MAP4K2: variants seen among roughly 807,000 people sequenced by gnomAD.
MAP4K2 encodes B lymphocyte serine/threonine protein kinase.
In MAP4K2, 85 loss-of-function variants were observed where a neutral mutation model predicts 125.3. The observed-to-expected ratio is 0.68, with a 90% CI of 0.57 to 0.81. The LOEUF (loss-of-function observed/expected upper bound fraction) is 0.81. Among genes scored for constraint, MAP4K2 ranks in the 40% least tolerant of loss-of-function variants. MAP4K2 has a pLI of 0.00. For missense variants in MAP4K2, 923 were observed against 1,056.4 expected (o/e 0.87, Z 1.75); for synonymous variants, 479 against 445.1 (o/e 1.08, Z -0.96).
chr11:64,802,883 A>G lies in MAP4K2; in HGVS notation c.154+2T>C. ...GCGCAGAGGCCCGACCCGGGCCCTC[A>G]CCTGGGTCTAGCTTGACTATCTTCA... On this transcript the variant is annotated splice_donor_variant, in intron 2 of 31. Coordinates refer to ENST00000294066, the MANE Select transcript of MAP4K2 (RefSeq NM_004579.5). LOFTEE classifies it high-confidence loss of function. 1 of 1,600,238 alleles carries G rather than the reference A, an allele frequency of 6.2e-7. No homozygotes were observed. The highest frequency in any genetic ancestry group is 8.5e-7 in the Non-Finnish European group (1 of 1,174,468).
Position 64,801,597 on chromosome 11 carries a change from G to C in MAP4K2, c.439C>G (p.Gln147Glu), listed in dbSNP as rs1555160528. 2 of 1,614,010 alleles carry C rather than the reference G, an allele frequency of 1.2e-6. No individual in the cohort carries two copies. Among genetic ancestry groups the C allele is most frequent in the Non-Finnish European group, 1.7e-6 (2 of 1,179,960 alleles). The change falls in exon 7 of 32, where the codon CAG becomes GAG. Residue 147 changes from glutamine (Q) to glutamate (E), a missense_variant. This residue lies in a region of MAP4K2 where 833 missense variants were observed against 911.4 expected (regional missense o/e 0.91). Coordinates refer to ENST00000294066, the MANE Select transcript of MAP4K2 (RefSeq NM_004579.5). Reference sequence around the variant, plus strand: ...TACTGACCCAGTTTGACATCTCCCTGGAGAGTGAGGAGAAGGTTGGCTCCC... The same window carrying C: ...TACTGACCCAGTTTGACATCTCCCTCGAGAGTGAGGAGAAGGTTGGCTCCC... ...IKGANLLLTL[Q>E]GDVKLADFGV...
intron 2 of MAP4K2, 110 bp from the exon 3 acceptor site, chr11:64,802,763 G>C (rs1350380198): frequency 6.9e-7 from 1 of 1,451,144 alleles, no homozygotes; most frequent in African/African-American, 1.4e-5. Flanking sequence ...GCAGGTGCAG[G>C]TGACAGCACC....
chr11:64,789,787 T>A lies in MAP4K2; in HGVS notation c.2320-2A>T. 6.2e-7 allele frequency: 1 copy of A among 1,614,088 alleles called. No individual in the cohort carries two copies. Among genetic ancestry groups the A allele is most frequent in the East Asian group, 2.2e-5 (1 of 44,884 alleles). ...TTCATCTGTGATCTCCTGGGTCACCTGGGAAGACAGGTGGGAAGCACTGAG... is the reference window on the plus strand; with the variant it reads ...TTCATCTGTGATCTCCTGGGTCACCAGGGAAGACAGGTGGGAAGCACTGAG... On this transcript the variant is annotated splice_acceptor_variant, in intron 30 of 31. Coordinates refer to ENST00000294066, the MANE Select transcript of MAP4K2 (RefSeq NM_004579.5). LOFTEE classifies it high-confidence loss of function.
chr11:64,796,559 G>A lies in MAP4K2; in HGVS notation c.1573-6C>T. ...GAGCAGCGATGTGAAATCAGCTGGA[G>A]GCCACAGAGGGACAGATGGTCAGCA... is the stretch of plus-strand genomic sequence containing the variant. On this transcript the variant is annotated splice_region_variant and splice_polypyrimidine_tract_variant and intron_variant, in intron 22 of 31. Transcript: ENST00000294066. 1.2e-6 allele frequency: 2 copies of A among 1,613,982 alleles called. No homozygotes were observed.
At chr11:64,799,561 G>GC (rs752489212) in intron 13 of MAP4K2, 44 bp downstream of exon 13, 4 of 1,602,580 alleles carry the variant, frequency 2.5e-6, no homozygotes, top group Admixed American at 3.4e-5. Context: ...GTGCACACAG[G>GC]CCCCCCAAAA....
chr11:64,799,980 G>T, intron 12 of MAP4K2, 129 bp downstream of exon 12: 1 of 783,498 alleles, frequency 1.3e-6, no homozygotes, highest in Non-Finnish European at 2.1e-6. Flanking sequence ...GACTCCTAAT[G>T]GGAGGGCTCA....
chr11:64,801,630 A>G lies in MAP4K2; in HGVS notation c.415-9T>C, dbSNP rs778757671. The G allele has an allele frequency of 6.2e-7, 1 of 1,613,950 alleles. No individual in the cohort carries two copies. The highest frequency in any genetic ancestry group is 1.7e-5 in the Admixed American group (1 of 60,006). ...AGGAGAAGGTTGGCTCCCTGTGGGA[A>G]TGGAGGAGAGACAATCCCATCTGGT... On this transcript the variant is annotated splice_polypyrimidine_tract_variant and intron_variant, in intron 6 of 31. Transcript: ENST00000294066.
In MAP4K2 at chr11:64,801,863, C is replaced by G. The variant is rs1053652127; in HGVS notation, c.367-106G>C. On this transcript the variant is annotated intron_variant, in intron 5 of 31. Coordinates refer to ENST00000294066, the MANE Select transcript of MAP4K2 (RefSeq NM_004579.5). ...CCCACTCAGGCTGCTTCTTCCTCCC[C>G]TCTCCCCAAACAGGAAGTGACTGAG... The G allele has an allele frequency of 7.8e-6, 10 of 1,276,286 alleles. No homozygotes were observed. The African/African-American group carries it at 1.2e-4, about 15-fold the overall frequency. The allele number at this position is 1,276,286 out of a possible 1,614,324, so 79.1% of individuals were successfully genotyped here. A position where few individuals can be genotyped will look rare whatever the true frequency, so the allele number is the denominator to read the frequency against.
At chr11:64,792,530 G>A in intron 24 of MAP4K2, 108 bp from the exon 25 acceptor site, 1 of 890,200 alleles carries the variant, frequency 1.1e-6, no homozygotes, top group Non-Finnish European at 1.8e-6. Context: ...ACAAGTAAGG[G>A]ACTGAGACTC....
chr11:64,799,282 G>C, intron 14 of MAP4K2, 139 bp downstream of exon 14: 1 of 1,007,850 alleles, frequency 9.9e-7, no homozygotes, highest in Non-Finnish European at 1.5e-6. Context: ...GGGTAGGACA[G>C]GCTTGCTTGG....
At chr11:64,790,302 G>T in intron 28 of MAP4K2, 28 bp from the exon 29 acceptor site, 1 of 1,613,588 alleles carries the variant, frequency 6.2e-7, no homozygotes, top group Non-Finnish European at 8.5e-7. Context: ...TGGTGAGTGG[G>T]GACGGGGAGG....
rs748059275 is a variant in MAP4K2 at position 64,800,211 on chromosome 11, C to T, written c.813G>A (p.Pro271=). The T allele has an allele frequency of 1.4e-5, 22 of 1,612,840 alleles. No individual in the cohort carries two copies. Among genetic ancestry groups the T allele is most frequent in the African/African-American group, 8.0e-5 (6 of 74,896 alleles). The change falls in exon 12 of 32, where the codon CCG becomes CCA. Residue 271 remains proline (P), a synonymous_variant. Transcript: ENST00000294066. Reference sequence around the variant, plus strand: ...CCCGAGGGAGCTGCTGAGTCGTGAACGGGTGCTGGAAAGTGGGGGAGGGGG... The same window carrying T: ...CCCGAGGGAGCTGCTGAGTCGTGAATGGGTGCTGGAAAGTGGGGGAGGGGG... The part of the protein sequence containing the change: ...RPTAEKLLQH[P]FTTQQLPRAL...
chr11:64,793,316 G>A (rs675949), intron 24 of MAP4K2, among the ~76,000 whole-genome samples: 1 of 152,134 alleles, frequency 6.6e-6, no homozygotes, highest in Non-Finnish European at 1.5e-5. Context: ...GACTGCACAC[G>A]GCCCATTTCA....
In MAP4K2 at chr11:64,792,032, C is replaced by G. The variant is rs772340378; in HGVS notation, c.1969G>C (p.Asp657His). The G allele has an allele frequency of 1.8e-5, 28 of 1,596,968 alleles. No homozygotes were observed. The highest frequency in any genetic ancestry group is 1.7e-4 in the Middle Eastern group (1 of 6,060). ...PAGMLEPLVL[D>H]GKELPQVCVG... Reference sequence around the variant, plus strand: ...CACACCTGCGGCAGCTCCTTCCCATCCAGCACCAGCGGCTCCAGCATCCCA... The same window carrying G: ...CACACCTGCGGCAGCTCCTTCCCATGCAGCACCAGCGGCTCCAGCATCCCA... Residue 657 changes from aspartate (D) to histidine (H), a missense_variant, in exon 27 of 32, where the codon GAT (aspartate) becomes CAT (histidine). Coordinates refer to ENST00000294066, the MANE Select transcript of MAP4K2 (RefSeq NM_004579.5).
chr11:64,796,254 C>A lies in MAP4K2; in HGVS notation c.1751+19G>T. 1 of 1,516,444 alleles carries A rather than the reference C, an allele frequency of 6.6e-7. No homozygotes were observed. Among genetic ancestry groups the A allele is most frequent in the Non-Finnish European group, 8.8e-7 (1 of 1,133,004 alleles). The allele number at this position is 1,516,444 out of a possible 1,614,324, so 93.9% of individuals were successfully genotyped here. On this transcript the variant is annotated intron_variant, in intron 24 of 31. Coordinates refer to ENST00000294066, the MANE Select transcript of MAP4K2 (RefSeq NM_004579.5). The stretch of plus-strand genomic sequence containing the variant: ...CTGCCCCTCTGCCTCCCGCTCCCTG[C>A]ACGCCCAAGATCCCTGACCTGGGGA...
intron 24 of MAP4K2, among the ~76,000 whole-genome samples, chr11:64,794,402 C>T (rs977971394): frequency 2.6e-5 from 4 of 152,072 alleles, no homozygotes; most frequent in Admixed American, 6.6e-5. Context: ...CTCTGTTGCC[C>T]AGGCTGGAGT....
At position 64,799,637 on chromosome 11, in the gene MAP4K2, C is replaced by A; in HGVS notation, c.962G>T (p.Gly321Val). Residue 321 changes from glycine (G) to valine (V), a missense_variant, in exon 13 of 32, where the codon GGC (glycine) becomes GTC (valine). By Grantham distance (109) the Gly-to-Val change is moderately radical. Around this residue, in one of 2 missense-constraint regions of MAP4K2, gnomAD observed 833 missense variants for 911.4 expected, o/e 0.91. Coordinates refer to ENST00000294066, the MANE Select transcript of MAP4K2 (RefSeq NM_004579.5). ...PDTIHSRGQH[G>V]PAERTPSEIQ... ...CTCCGAGGGGGTCCTCTCGGCTGGG[C>A]CGTGCTGCCCCCGGGAGTGAATGGT... The A allele has an allele frequency of 1.2e-6, 2 of 1,613,974 alleles. No homozygotes were observed. The highest frequency in any genetic ancestry group is 2.2e-5 in the South Asian group (2 of 91,086).
chr11:64,793,387 T>C (rs985684469), intron 24 of MAP4K2, among the ~76,000 whole-genome samples: 1 of 152,160 alleles, frequency 6.6e-6, no homozygotes, highest in Non-Finnish European at 1.5e-5. Context: ...GCCTGCCCTC[T>C]GCTTCTCCAG....
At chr11:64,792,492 G>A (rs1382360312) in intron 24 of MAP4K2, 70 bp from the exon 25 acceptor site, 61 of 1,319,274 alleles carry the variant, frequency 4.6e-5, no homozygotes, top group East Asian at 7.6e-5. Context: ...AGAGCCCTAT[G>A]AGGTGGGCAC....
Sources: allele counts gnomAD v4.1 joint callset (sites outside exome capture counted in the v4.1 genomes callset), GRCh38; gene constraint gnomAD v4.1.1; regional missense constraint gnomAD v4.1.1; transcripts MANE v1.5; gene names NCBI Gene and HGNC (gene_info 2026-07-23, HGNC 2026-07-21).